GRAP2: variants seen among roughly 807,000 people sequenced by gnomAD.
GRAP2 encodes GRB2 related adaptor protein 2.
A neutral mutation model predicts 43.5 loss-of-function variants in GRAP2; 31 were observed. That is an observed-to-expected ratio of 0.71 (90% CI 0.54 to 0.96). The LOEUF (loss-of-function observed/expected upper bound fraction) is 0.96, where lower values mean the gene tolerates loss of function less well. Ranked by LOEUF, GRAP2 falls within the 40% of genes least tolerant of loss-of-function variation. The probability of loss-of-function intolerance (pLI) is 0.00; values close to 1 mark genes in which losing one functional copy is unlikely to be tolerated. For synonymous variants in GRAP2, 156 were observed against 164.8 expected, an observed-to-expected ratio of 0.95 and a Z score of 0.41; for missense variants, 371 against 424.4, an observed-to-expected ratio of 0.87 and a Z score of 1.11.
At chr22:39,922,701 G>A (rs779787676) in intron 1 of GRAP2, among the ~76,000 whole-genome samples, 5 of 152,152 alleles carry the variant, frequency 3.3e-5, no homozygotes, top group Non-Finnish European at 5.9e-5. Flanking sequence ...GGGGAAAGAC[G>A]ATAAAGCCCA....
intron 4 of GRAP2, among the ~76,000 whole-genome samples, chr22:39,961,633 G>A (rs1387871879): frequency 6.6e-6 from 1 of 152,166 alleles, no homozygotes; most frequent in South Asian, 2.1e-4. Context: ...AGCCCAGTTC[G>A]GAACACACTG....
chr22:39,938,307 C>T (rs1569203341), intron 1 of GRAP2, among the ~76,000 whole-genome samples: 3 of 152,198 alleles, frequency 2.0e-5, no homozygotes, highest in Admixed American at 2.0e-4. Context: ...TGCAGAACAG[C>T]AATTTGATTA....
intron 1 of GRAP2, among the ~76,000 whole-genome samples, chr22:39,908,989 C>A (rs1047918487): frequency 6.6e-6 from 1 of 152,172 alleles, no homozygotes; most frequent in East Asian, 1.9e-4. Flanking sequence ...TGTGCCTCAT[C>A]GACTCCTCTG....
At chr22:39,899,436 G>A (rs2066479195), upstream of GRAP2, among the ~76,000 whole-genome samples, 1 of 152,142 alleles carries the variant, frequency 6.6e-6, no homozygotes, top group Non-Finnish European at 1.5e-5. Flanking sequence ...AAAGAATAAG[G>A]ACTGTAGCCA....
chr22:39,938,410 T>C (rs915678125), intron 1 of GRAP2, among the ~76,000 whole-genome samples: 15 of 152,198 alleles, frequency 9.9e-5, no homozygotes, highest in African/African-American at 3.6e-4. Flanking sequence ...CTCCCAAACC[T>C]GAAAACCTTC....
chr22:39,944,335 C>A (rs1253026956), intron 1 of GRAP2, among the ~76,000 whole-genome samples: 1 of 152,078 alleles, frequency 6.6e-6, no homozygotes, highest in Non-Finnish European at 1.5e-5. Flanking sequence ...AGAAAACCGA[C>A]CCCTGAGGGT....
At chr22:39,970,833 G>A in intron 7 of GRAP2, 72 bp from the exon 8 acceptor site, 3 of 1,328,740 alleles carry the variant, frequency 2.3e-6, no homozygotes, top group African/African-American at 1.5e-5. Flanking sequence ...TGTGGTGGGA[G>A]GAGCCAGCAG....
Position 39,905,917 on chromosome 22 carries a change from T to C in GRAP2, c.-15+4587T>C, listed in dbSNP as rs368768783. On this transcript the variant is annotated intron_variant, in intron 1 of 7. Coordinates refer to ENST00000344138, the MANE Select transcript of GRAP2 (RefSeq NM_004810.4). ...TTGAAGTTATTGAAAATCCGGGAGG[T>C]TGCCACCCAAACACATTTAAGGTTT... 1.8e-3 allele frequency among the ~76,000 whole-genome samples: 269 copies of C among 152,176 alleles called. 2 individuals carry two copies. Among genetic ancestry groups the C allele is most frequent in the African/African-American group, 6.0e-3 (251 of 41,504 alleles).
At chr22:39,902,323 T>C (rs1284602343) in intron 1 of GRAP2, among the ~76,000 whole-genome samples, 1 of 152,212 alleles carries the variant, frequency 6.6e-6, no homozygotes, top group African/African-American at 2.4e-5. Context: ...TATTTTTGGT[T>C]TCGGAAAGAG....
At chr22:39,906,411 A>G (rs534940945) in intron 1 of GRAP2, among the ~76,000 whole-genome samples, 3 of 152,348 alleles carry the variant, frequency 2.0e-5, no homozygotes, top group African/African-American at 7.2e-5. Flanking sequence ...AAAGCTGTAT[A>G]AACTAGGTGT....
intron 1 of GRAP2, among the ~76,000 whole-genome samples, chr22:39,938,085 C>T (rs1490574247): frequency 6.6e-6 from 1 of 152,126 alleles, no homozygotes; most frequent in African/African-American, 2.4e-5. Context: ...CTACCTTGGG[C>T]ATCACCCAAG....
At chr22:39,952,273 C>T (rs528332629) in intron 2 of GRAP2, among the ~76,000 whole-genome samples, 9 of 152,164 alleles carry the variant, frequency 5.9e-5, no homozygotes, top group South Asian at 2.1e-4. Flanking sequence ...GTGATCCACC[C>T]GCCTCAGCCT....
At chr22:39,942,611 C>A (rs2066882367) in intron 1 of GRAP2, among the ~76,000 whole-genome samples, 1 of 150,816 alleles carries the variant, frequency 6.6e-6, no homozygotes, top group Non-Finnish European at 1.5e-5. Context: ...ATAGTGAGAC[C>A]CCGATCTCTA....
intron 2 of GRAP2, among the ~76,000 whole-genome samples, chr22:39,950,040 CAT>C (rs1269398666): frequency 2.0e-5 from 3 of 152,218 alleles, no homozygotes; most frequent in African/African-American, 7.2e-5. Flanking sequence ...CACATGTACA[CAT>C]GTGTGCACAC....
At chr22:39,926,689 CAT>C (rs2066703808) in intron 1 of GRAP2, 1 of 984,966 alleles carries the variant, frequency 1.0e-6, no homozygotes, top group Non-Finnish European at 1.2e-6. Flanking sequence ...CGTTGCCATG[CAT>C]GAGTCGGGGG....
At position 39,964,288 on chromosome 22, in the gene GRAP2, T is replaced by C. The variant is rs1400539553; in HGVS notation, c.291-1702T>C. ...CCCTGGTTCGAATGTGTCCCATCAC[T>C]TGTGAGTCCAGACTGGCAACAAAAG... On this transcript the variant is annotated intron_variant, in intron 4 of 7. Transcript: ENST00000344138. The C allele has an allele frequency of 4.6e-6, 3 of 654,038 alleles. No homozygotes were observed. In the African/African-American group the frequency reaches 5.4e-5, roughly 12 times the overall value. The allele number at this position is 654,038 out of a possible 1,614,324, so 40.5% of individuals were successfully genotyped here.
Position 39,971,186 on chromosome 22 carries a change from C to T in GRAP2, c.*102C>T, listed in dbSNP as rs1465507845. 7.1e-6 allele frequency: 6 copies of T among 846,496 alleles called. No homozygotes were observed. The highest frequency in any genetic ancestry group is 9.3e-6 in the Non-Finnish European group (5 of 535,214). The allele number at this position is 846,496 out of a possible 1,614,324, so 52.4% of individuals were successfully genotyped here. ...GACTATATATACATACATCTATCTA[C>T]ATCTGCCTGTGTACACACACAACTT... is the stretch of plus-strand genomic sequence containing the variant. On this transcript the variant is annotated 3_prime_UTR_variant, in exon 8 of 8. Coordinates refer to ENST00000344138, the MANE Select transcript of GRAP2 (RefSeq NM_004810.4).
rs144027971 is a variant in GRAP2 at position 39,969,910 on chromosome 22, G to A, written c.813+377G>A. 6.3e-3 allele frequency among the ~76,000 whole-genome samples: 952 copies of A among 152,078 alleles called. 11 individuals carry two copies. Among genetic ancestry groups the A allele is most frequent in the African/African-American group, 0.022 (904 of 41,472 alleles). ...TCCTGGGCAACAAGAGCGAAACTCC[G>A]TCTCAAAAAACAAAACAAAACAAAA... is the stretch of plus-strand genomic sequence containing the variant. On this transcript the variant is annotated intron_variant, in intron 7 of 7. Transcript: ENST00000344138.
At position 39,947,116 on chromosome 22, in the gene GRAP2, G is replaced by A. The variant is rs1428210175; in HGVS notation, c.10G>A (p.Val4Ile). Residue 4 changes from valine (V) to isoleucine (I), a missense_variant, in exon 2 of 8, where the codon GTT becomes ATT. By Grantham distance (29) the Val-to-Ile change is conservative. Coordinates refer to ENST00000344138, the MANE Select transcript of GRAP2 (RefSeq NM_004810.4). The part of the protein sequence containing the change: MEA[V>I]AKFDFTASGE... ...AGCTTCACGTTACAGCATGGAAGCT[G>A]TTGCCAAGTTTGATTTCACTGCTTC... is the stretch of plus-strand genomic sequence containing the variant. 6.3e-7 allele frequency: 1 copy of A among 1,598,458 alleles called. No individual in the cohort carries two copies. The highest frequency in any genetic ancestry group is 1.1e-5 in the South Asian group (1 of 90,774).
Sources: gnomAD v4.1 joint callset for allele counts (sites outside exome capture counted in the v4.1 genomes callset) on GRCh38, gnomAD v4.1.1 for gene constraint, MANE v1.5 for transcripts, NCBI Gene and HGNC (gene_info 2026-07-23, HGNC 2026-07-21) for gene names.